Variants in TIAM1 observed in about 807,000 individuals in gnomAD.
TIAM1 encodes the protein rho guanine nucleotide exchange factor TIAM1.
In TIAM1, 65 loss-of-function variants were observed where a neutral mutation model predicts 163.5. The observed-to-expected ratio is 0.40, with a 90% CI of 0.33 to 0.49. TIAM1 has a LOEUF of 0.49. Among genes scored for constraint, TIAM1 ranks in the 20% least tolerant of loss-of-function variants. The probability of loss-of-function intolerance (pLI) is 0.77; values close to 1 mark genes in which losing one functional copy is unlikely to be tolerated. For synonymous variants in TIAM1, 833 were observed against 810.1 expected (o/e 1.03, Z -0.48); for missense variants, 1,789 against 2,044.7 (o/e 0.87, Z 2.41).
At chr21:31,399,718 T>C (rs775651703) in intron 2 of TIAM1, among the ~76,000 whole-genome samples, 1 of 152,218 alleles carries the variant, frequency 6.6e-6, no homozygotes, top group Non-Finnish European at 1.5e-5. Context: ...TTTAGCATTA[T>C]TAAAACCCAT....
chr21:31,223,899 G>A (rs1046198752), intron 7 of TIAM1, among the ~76,000 whole-genome samples: 2 of 152,218 alleles, frequency 1.3e-5, no homozygotes, highest in African/African-American at 2.4e-5. Flanking sequence ...AAGTAAAAAT[G>A]TAGAGATTTC....
chr21:31,381,984 ATGTT>A (rs1018159375), intron 2 of TIAM1, among the ~76,000 whole-genome samples: 7 of 152,174 alleles, frequency 4.6e-5, no homozygotes, highest in Non-Finnish European at 8.8e-5. Flanking sequence ...TGAGAAATAA[ATGTT>A]TGTTGATTAA....
rs1569068716 is a variant in TIAM1 at position 31,228,235 on chromosome 21, A to G, written c.1585-2285T>C. On this transcript the variant is annotated intron_variant, in intron 6 of 27. Coordinates refer to ENST00000541036, the MANE Select transcript of TIAM1 (RefSeq NM_001353694.2). ...CTCCTTTTTTTAAAAAAAAAAAAAA[A>G]AAAAAAAAAAAAAAAAAAAAAAAAG... Among the ~76,000 whole-genome samples, 118 of 116,790 alleles carry G rather than the reference A, an allele frequency of 1.0e-3. 6 individuals carry two copies. In the East Asian group the frequency reaches 0.023, roughly 23 times the overall value. 76.6% of individuals were successfully genotyped at this position (116,790 alleles called of 152,430 possible).
chr21:31,434,739 GA>G (rs2044153618), intron 2 of TIAM1, among the ~76,000 whole-genome samples: 1 of 152,108 alleles, frequency 6.6e-6, no homozygotes, highest in South Asian at 2.1e-4. Flanking sequence ...AGAGTGTGTG[GA>G]CAGGCTCTAG....
chr21:31,152,480 G>A (rs1249022911), intron 19 of TIAM1, among the ~76,000 whole-genome samples, 156 bp downstream of exon 19: 1 of 152,200 alleles, frequency 6.6e-6, no homozygotes, highest in Non-Finnish European at 1.5e-5. Context: ...GCTTCCCTTA[G>A]CCAGACCAGC....
chr21:31,540,396 A>C (rs1323674874), intron 1 of TIAM1, among the ~76,000 whole-genome samples: 1 of 152,156 alleles, frequency 6.6e-6, no homozygotes, highest in Non-Finnish European at 1.5e-5. Flanking sequence ...AAAAAAAAAA[A>C]AAAAAAGGTA....
intron 2 of TIAM1, among the ~76,000 whole-genome samples, chr21:31,304,505 C>T (rs756040222): frequency 3.9e-5 from 6 of 152,124 alleles, no homozygotes; most frequent in Non-Finnish European, 7.4e-5. Context: ...AGTTCAATTC[C>T]ACTCAGCCAA....
chr21:31,498,229 G>C (rs2046731036), intron 1 of TIAM1, among the ~76,000 whole-genome samples: 1 of 152,248 alleles, frequency 6.6e-6, no homozygotes, highest in African/African-American at 2.4e-5. Context: ...TTTCCAAGAT[G>C]ATCACAGATT....
chr21:31,279,984 T>C (rs1442946252), intron 2 of TIAM1, among the ~76,000 whole-genome samples: 1 of 152,044 alleles, frequency 6.6e-6, no homozygotes, highest in African/African-American at 2.4e-5. Flanking sequence ...CTCAATCGGC[T>C]ACAGCTCACA....
chr21:31,482,433 C>T (rs373921612), intron 1 of TIAM1, among the ~76,000 whole-genome samples: 4 of 152,040 alleles, frequency 2.6e-5, no homozygotes, highest in African/African-American at 7.2e-5. Flanking sequence ...ATTACAGGCA[C>T]GCACCTGGCC....
chr21:31,232,151 A>T (rs1234616414), intron 6 of TIAM1, among the ~76,000 whole-genome samples: 2 of 151,816 alleles, frequency 1.3e-5, no homozygotes, highest in South Asian at 2.1e-4. Flanking sequence ...TAAAAGAAAA[A>T]ATAATTATAA....
At chr21:31,547,822 T>C (rs1021019908) in intron 1 of TIAM1, among the ~76,000 whole-genome samples, 1 of 152,174 alleles carries the variant, frequency 6.6e-6, no homozygotes, top group African/African-American at 2.4e-5. Flanking sequence ...CCCAGCAATA[T>C]ATTAACCATA....
At chr21:31,201,239 G>A (rs1230584993) in intron 12 of TIAM1, among the ~76,000 whole-genome samples, 1 of 152,120 alleles carries the variant, frequency 6.6e-6, no homozygotes, top group Non-Finnish European at 1.5e-5. Flanking sequence ...AGAAAAAAGG[G>A]TTTTCTTTCC....
chr21:31,393,705 C>CTGT (rs2077005836), intron 2 of TIAM1, among the ~76,000 whole-genome samples: 1 of 152,108 alleles, frequency 6.6e-6, no homozygotes, highest in Admixed American at 6.5e-5. Context: ...CTGAGAGTGT[C>CTGT]TGTTTGAATG....
At chr21:31,212,261 T>G (rs1046579029) in intron 10 of TIAM1, among the ~76,000 whole-genome samples, 6 of 152,094 alleles carry the variant, frequency 3.9e-5, no homozygotes, top group African/African-American at 1.2e-4. Context: ...CACTCTGGAT[T>G]CTGAAGCTCA....
At chr21:31,366,085 CAAAAAAAAAAAA>C (rs869163144) in intron 2 of TIAM1, among the ~76,000 whole-genome samples, 3 of 69,546 alleles carry the variant, frequency 4.3e-5, no homozygotes, top group African/African-American at 1.2e-4. Context: ...GACTCTGTCT[CAAAAAAAAAAAA>C]AAAAAAAAAA....
chr21:31,359,866 G>GGAAGGAAGGAAGGA (rs1569263682), intron 2 of TIAM1, among the ~76,000 whole-genome samples: 1 of 120,200 alleles, frequency 8.3e-6, no homozygotes, highest in Non-Finnish European at 1.8e-5. Flanking sequence ...GGAAGGAAGG[G>GGAAGGAAGGAAGGA]AGGGAGGGAG....
Position 31,294,094 on chromosome 21 carries a change from TG to T in TIAM1, c.-188-17187del, listed in dbSNP as rs557379077. On this transcript the variant is annotated intron_variant, in intron 2 of 27. Transcript: ENST00000541036. ...CTTCAAGCACACAGCATGGTGAGGG[TG>T]GGGGGTGTCCCCAGCAAGTCCTCAA... Among the ~76,000 whole-genome samples the T allele has an allele frequency of 2.1e-4, 32 of 152,210 alleles. No homozygotes were observed. The South Asian group carries it at 6.0e-3, about 29-fold the overall frequency.
chr21:31,441,510 A>G (rs1295987861), intron 2 of TIAM1, among the ~76,000 whole-genome samples: 2 of 152,214 alleles, frequency 1.3e-5, no homozygotes, highest in African/African-American at 4.8e-5. Context: ...GGAAGGCACA[A>G]GTTGGCGATA....
Sources: allele counts gnomAD v4.1 joint callset (sites outside exome capture counted in the v4.1 genomes callset), GRCh38; gene constraint gnomAD v4.1.1; transcripts MANE v1.5; gene names NCBI Gene and HGNC (gene_info 2026-07-23, HGNC 2026-07-21).